The following IARS1 variants were observed in gnomAD, a reference collection of about 807,000 sequenced individuals.
IARS1 encodes the protein isoleucyl-tRNA synthetase 1.
Under a neutral mutation model 168.2 loss-of-function variants are expected in IARS1, and 124 were observed. The ratio of observed to expected loss-of-function variants is 0.74; its 90% CI spans 0.64 to 0.86. The LOEUF is 0.86. Ranked by LOEUF, IARS1 falls within the 40% of genes least tolerant of loss-of-function variation. The pLI is 0.00. For missense variants in IARS1, 1,452 were observed against 1,515.8 expected, an observed-to-expected ratio of 0.96 and a Z score of 0.70; for synonymous variants, 532 against 529.4, an observed-to-expected ratio of 1.00 and a Z score of -0.07.
chr9:92,290,084 T>C (rs994956256), intron 1 of IARS1, among the ~76,000 whole-genome samples: 3 of 152,178 alleles, frequency 2.0e-5, no homozygotes, highest in African/African-American at 7.2e-5. Context: ...AGAAGTAGAA[T>C]TTCTGGGTCA....
intron 33 of IARS1, among the ~76,000 whole-genome samples, chr9:92,215,888 C>T (rs1017627844): frequency 1.2e-4 from 18 of 152,216 alleles, no homozygotes; most frequent in African/African-American, 4.1e-4. Context: ...TCTAGCGAGG[C>T]AGGCCAACGT....
At chr9:92,245,236 T>C (rs1434194570) in intron 26 of IARS1, 165 bp from the exon 27 acceptor site, 55 of 607,122 alleles carry the variant, frequency 9.1e-5, no homozygotes, top group Non-Finnish European at 6.5e-5. Context: ...AGCCAAGACA[T>C]GACAAACTTT....
At chr9:92,256,939 A>T (rs1191366058) in intron 19 of IARS1, 139 bp from the exon 20 acceptor site, 3 of 743,742 alleles carry the variant, frequency 4.0e-6, no homozygotes, top group Non-Finnish European at 2.0e-6. Context: ...TCTGATTTTC[A>T]GCAATATTTT....
chr9:92,248,842 T>G (rs1477432863), intron 25 of IARS1, among the ~76,000 whole-genome samples: 1 of 152,020 alleles, frequency 6.6e-6, no homozygotes, highest in East Asian at 1.9e-4. Context: ...GAATAAACAA[T>G]GAAATTTTAA....
chr9:92,243,271 A>G lies in IARS1; in HGVS notation c.2945T>C (p.Val982Ala). ...LLDVTPDQSM[V>A]DEGMAREVIN... ...GACTTCCCGAGCCATTCCTTCATCTACCATTGACTGGTCAGGAGTGACATC... is the reference window on the plus strand; with the variant it reads ...GACTTCCCGAGCCATTCCTTCATCTGCCATTGACTGGTCAGGAGTGACATC... Residue 982 changes from valine (V) to alanine (A), a missense_variant, in exon 28 of 34, where the codon GTA becomes GCA. By Grantham distance (64) the Val-to-Ala change is moderately conservative. Coordinates refer to ENST00000443024, the MANE Select transcript of IARS1 (RefSeq NM_002161.6). 1.2e-6 allele frequency: 2 copies of G among 1,613,740 alleles called. No homozygotes were observed. The highest frequency in any genetic ancestry group is 1.7e-6 in the Non-Finnish European group (2 of 1,179,660).
In IARS1 at chr9:92,265,076, T is replaced by C. The variant is rs1309997032; in HGVS notation, c.1553A>G (p.His518Arg). The C allele has an allele frequency of 1.2e-6, 2 of 1,614,020 alleles. No homozygotes were observed. Among genetic ancestry groups the C allele is most frequent in the African/African-American group, 1.3e-5 (1 of 74,928 alleles). The change falls in exon 16 of 34, where the codon CAC (histidine) becomes CGC (arginine). Residue 518 changes from histidine to arginine, a missense_variant. Physicochemically the swap from His to Arg is conservative, Grantham distance 29 (BLOSUM62 0). Coordinates refer to ENST00000443024, the MANE Select transcript of IARS1 (RefSeq NM_002161.6). ...ACAGTCAAACACTTCAGAGATGCGG[T>C]GCAAGGATCCCTTCCCACAGCGTGA... is the stretch of plus-strand genomic sequence containing the variant. ...IPSRCGKGSL[H>R]RISEVFDCWF...
intron 9 of IARS1, among the ~76,000 whole-genome samples, chr9:92,276,332 T>C (rs1016088925): frequency 1.3e-5 from 2 of 152,178 alleles, no homozygotes; most frequent in Non-Finnish European, 2.9e-5. Context: ...AAGAGCCAGT[T>C]TGACTGAATA....
intron 33 of IARS1, among the ~76,000 whole-genome samples, chr9:92,211,614 T>C (rs1476496322): frequency 6.6e-6 from 1 of 152,140 alleles, no homozygotes; most frequent in African/African-American, 2.4e-5. Flanking sequence ...TGGAGGACTA[T>C]GCCATCACTT....
chr9:92,227,734 G>A (rs1435951847), intron 31 of IARS1, among the ~76,000 whole-genome samples: 5 of 151,556 alleles, frequency 3.3e-5, no homozygotes, highest in African/African-American at 4.9e-5. Flanking sequence ...CATCTCAGAC[G>A]ATGGGCGGCC....
intron 20 of IARS1, among the ~76,000 whole-genome samples, chr9:92,256,106 T>C (rs900080467): frequency 1.3e-5 from 2 of 151,284 alleles, no homozygotes; most frequent in African/African-American, 4.9e-5. Flanking sequence ...TCTGAACCCA[T>C]GGCTATCCAG....
intron 6 of IARS1, among the ~76,000 whole-genome samples, chr9:92,283,789 T>C (rs1447218889): frequency 6.6e-6 from 1 of 151,990 alleles, no homozygotes; most frequent in Non-Finnish European, 1.5e-5. Context: ...AATAAATAAA[T>C]AAAAATAAAA....
At chr9:92,262,722 G>C (rs1377362159) in intron 17 of IARS1, among the ~76,000 whole-genome samples, 1 of 152,180 alleles carries the variant, frequency 6.6e-6, no homozygotes, top group Non-Finnish European at 1.5e-5. Context: ...AAAGTGCTAA[G>C]TTTAGTAAAT....
intron 30 of IARS1, among the ~76,000 whole-genome samples, chr9:92,238,603 A>C (rs1827911554): frequency 6.6e-6 from 1 of 152,188 alleles, no homozygotes; most frequent in Non-Finnish European, 1.5e-5. Context: ...CTTCTTTATA[A>C]ACTAGCCAGC....
intron 10 of IARS1, among the ~76,000 whole-genome samples, chr9:92,272,767 C>T (rs1419916717): frequency 6.6e-6 from 1 of 151,094 alleles, no homozygotes; most frequent in Non-Finnish European, 1.5e-5. Flanking sequence ...AGGAGAATCG[C>T]TTGAACCTGG....
chr9:92,213,906 G>T (rs1230153582), intron 33 of IARS1, among the ~76,000 whole-genome samples: 1 of 151,970 alleles, frequency 6.6e-6, no homozygotes, highest in South Asian at 2.1e-4. Context: ...CTGCCTCCCA[G>T]GTTCAAGAGA....
chr9:92,265,515 C>T lies in IARS1; in HGVS notation c.1470G>A (p.Leu490=), dbSNP rs768987490. Residue 490 remains leucine (L), a synonymous_variant, in exon 15 of 34, where the codon CTG becomes CTA. Transcript: ENST00000443024. ...GGAGATCTGAGATCTTTGCTCCTGA[C>T]AGTTCTTCAAGTTCCGCCACTGACC... ...CIGSVAELEE[L]SGAKISDLHR... is the part of the protein sequence containing the mutation. 6.2e-7 allele frequency: 1 copy of T among 1,613,558 alleles called. No homozygotes were observed. Among genetic ancestry groups the T allele is most frequent in the Admixed American group, 1.7e-5 (1 of 59,984 alleles).
chr9:92,259,098 T>C (rs1353790924), intron 18 of IARS1, 100 bp from the exon 19 acceptor site: 5 of 1,103,820 alleles, frequency 4.5e-6, no homozygotes, highest in Non-Finnish European at 6.4e-6. Context: ...TCAGTCCTAT[T>C]TTCTACAAAA....
intron 30 of IARS1, among the ~76,000 whole-genome samples, chr9:92,237,199 C>T (rs1827673767): frequency 6.6e-6 from 1 of 152,146 alleles, no homozygotes. Flanking sequence ...ATTTCCGTCT[C>T]AGGACTGCTT....
chr9:92,287,825 C>A lies in IARS1; in HGVS notation c.362G>T (p.Arg121Leu), dbSNP rs761968353. 8 of 1,613,804 alleles carry A rather than the reference C, an allele frequency of 5.0e-6. No homozygotes were observed. The East Asian group carries it at 1.8e-4, about 36-fold the overall frequency. ...AGCAGAATATCTCATCACAATTGCT[C>A]GGCACTGATTGTTATACTCTGTAAT... ...MGITEYNNQCRAIVMRYSAEW... is the reference protein window; with the variant it reads ...MGITEYNNQCLAIVMRYSAEW... The change falls in exon 4 of 34, where the codon CGA becomes CTA. Residue 121 changes from arginine to leucine, a missense_variant. Coordinates refer to ENST00000443024, the MANE Select transcript of IARS1 (RefSeq NM_002161.6).
Sources: gnomAD v4.1 joint callset for allele counts (sites outside exome capture counted in the v4.1 genomes callset) on GRCh38, gnomAD v4.1.1 for gene constraint, MANE v1.5 for transcripts, NCBI Gene and HGNC (gene_info 2026-07-23, HGNC 2026-07-21) for gene names.